RBFOX1: variants seen among roughly 807,000 people sequenced by gnomAD.
RBFOX1 encodes RNA binding fox-1 homolog 1.
A neutral mutation model predicts 57.7 loss-of-function variants in RBFOX1; 8 were observed. The observed-to-expected ratio is 0.14, with a 90% CI of 0.08 to 0.25. The LOEUF is 0.25. RBFOX1 is among the 10% of genes least tolerant of loss of function. The pLI is 1.00. For missense variants in RBFOX1, 611 were observed against 548.5 expected, an observed-to-expected ratio of 1.11 and a Z score of -1.14; for synonymous variants, 326 against 222.4, an observed-to-expected ratio of 1.47 and a Z score of -4.15.
In RBFOX1 at chr16:5,431,304, C is replaced by T. The variant is rs1318892277; in HGVS notation, c.220-35912C>T. 5.3e-5 allele frequency among the ~76,000 whole-genome samples: 8 copies of T among 152,304 alleles called. No homozygotes were observed. The South Asian group carries it at 6.2e-4, about 12-fold the overall frequency. ...TGAAAAATCCAGTGTCTATTTCAAC[C>T]GTGCAGAAATACTTGGTAAAATTTT... On this transcript the variant is annotated intron_variant, in intron 1 of 2. Transcript: ENST00000585867.
intron 2 of RBFOX1, among the ~76,000 whole-genome samples, chr16:6,522,010 G>C (rs1422025737): frequency 6.6e-6 from 1 of 152,116 alleles, no homozygotes; most frequent in African/African-American, 2.4e-5. Flanking sequence ...CTTCTACAAA[G>C]CCAAATATTT....
chr16:6,802,315 G>T (rs1168704024), intron 3 of RBFOX1, among the ~76,000 whole-genome samples: 5 of 152,102 alleles, frequency 3.3e-5, no homozygotes, highest in African/African-American at 9.7e-5. Context: ...GGGTCCTGTT[G>T]TGCTTCTCTG....
Position 5,738,570 on chromosome 16 carries a change from G to A in RBFOX1, c.319-128733G>A, listed in dbSNP as rs983979132. 1.4e-5 allele frequency among the ~76,000 whole-genome samples: 2 copies of A among 148,034 alleles called. 1 individual carries two copies. Among genetic ancestry groups the A allele is most frequent in the South Asian group, 4.4e-4 (2 of 4,578 alleles). On this transcript the variant is annotated intron_variant, in intron 3 of 19. Coordinates refer to the RBFOX1 transcript ENST00000641259. ...AATCGCTTGAATCTGGGAGGTGAAG[G>A]TTGCCATGTGCCGAGATTGCACAAC...
intron 4 of RBFOX1, among the ~76,000 whole-genome samples, chr16:5,869,799 T>G (rs1196012689): frequency 6.6e-6 from 1 of 152,152 alleles, no homozygotes; most frequent in Non-Finnish European, 1.5e-5. Context: ...TGTTTAAAAA[T>G]CCAACAATTC....
intron 4 of RBFOX1, among the ~76,000 whole-genome samples, chr16:7,195,301 A>T (rs1476046207): frequency 6.6e-6 from 1 of 152,186 alleles, no homozygotes; most frequent in African/African-American, 2.4e-5. Context: ...TTGCAAAATA[A>T]GGCTTCTTGT....
At chr16:7,216,042 G>C (rs925180485) in intron 4 of RBFOX1, among the ~76,000 whole-genome samples, 1 of 152,062 alleles carries the variant, frequency 6.6e-6, no homozygotes, top group East Asian at 1.9e-4. Flanking sequence ...TATATCACTG[G>C]AATCATACAG....
At chr16:7,531,664 A>G (rs1226189100) in intron 5 of RBFOX1, among the ~76,000 whole-genome samples, 1 of 152,204 alleles carries the variant, frequency 6.6e-6, no homozygotes, top group African/African-American at 2.4e-5. Flanking sequence ...ATTACGGATG[A>G]GGGAACTGAG....
At chr16:7,280,312 A>G (rs1740346055) in intron 4 of RBFOX1, among the ~76,000 whole-genome samples, 1 of 152,206 alleles carries the variant, frequency 6.6e-6, no homozygotes, top group African/African-American at 2.4e-5. Context: ...GCCTTCCAGA[A>G]TAGAGTCCTT....
intron 1 of RBFOX1, among the ~76,000 whole-genome samples, chr16:5,463,094 C>T (rs2068842107): frequency 6.6e-6 from 1 of 152,146 alleles, no homozygotes; most frequent in Non-Finnish European, 1.5e-5. Context: ...TATATTTTTG[C>T]ATTTTTAGGA....
chr16:7,573,902 G>A (rs1031706057), intron 5 of RBFOX1, among the ~76,000 whole-genome samples: 1 of 151,950 alleles, frequency 6.6e-6, no homozygotes, highest in Non-Finnish European at 1.5e-5. Context: ...GCTTTGATGT[G>A]CTACAGCTTT....
intron 1 of RBFOX1, among the ~76,000 whole-genome samples, chr16:6,197,149 G>A (rs2097184873): frequency 6.6e-6 from 1 of 152,144 alleles, no homozygotes; most frequent in Admixed American, 6.6e-5. Context: ...ATGCATGCAT[G>A]TCACCAGAGG....
chr16:5,953,662 G>C (rs1054598752), intron 4 of RBFOX1, among the ~76,000 whole-genome samples: 32 of 151,258 alleles, frequency 2.1e-4, no homozygotes, highest in Admixed American at 3.3e-4. Flanking sequence ...TGCTGCGAAT[G>C]CCATTCATTC....
intron 2 of RBFOX1, among the ~76,000 whole-genome samples, chr16:6,421,921 C>CT (rs35479646): frequency 0.022 from 2,240 of 99,828 alleles, 64 homozygotes; most frequent in Non-Finnish European, 0.027. Flanking sequence ...GGGACCAGAC[C>CT]TTTTTTTTTT....
chr16:6,263,069 A>G (rs2097710786), intron 1 of RBFOX1, among the ~76,000 whole-genome samples: 1 of 152,166 alleles, frequency 6.6e-6, no homozygotes, highest in Non-Finnish European at 1.5e-5. Flanking sequence ...TAATGTGCCC[A>G]AGACTGAAAT....
intron 3 of RBFOX1, among the ~76,000 whole-genome samples, chr16:6,947,870 G>C (rs2079876107): frequency 6.6e-6 from 1 of 152,134 alleles, no homozygotes; most frequent in Non-Finnish European, 1.5e-5. Context: ...TCCACCTCAT[G>C]GGTTCAAGCG....
rs545010860 is a variant in RBFOX1 at position 6,682,305 on chromosome 16, G to A, written c.-16+27655G>A. The stretch of plus-strand genomic sequence containing the variant: ...CTCTGGAGGGATTGAGCTCTCAGGC[G>A]TCGATTTCCCAGCTGACCACTAGAG... On this transcript the variant is annotated intron_variant, in intron 3 of 15. Coordinates refer to ENST00000550418, the MANE Select transcript of RBFOX1 (RefSeq NM_018723.4). Among the ~76,000 whole-genome samples the A allele has an allele frequency of 1.1e-4, 16 of 152,240 alleles. No individual in the cohort carries two copies. The East Asian group carries it at 1.5e-3, about 15-fold the overall frequency.
intron 4 of RBFOX1, among the ~76,000 whole-genome samples, chr16:7,339,859 T>G (rs975390703): frequency 1.3e-5 from 2 of 152,252 alleles, no homozygotes; most frequent in African/African-American, 4.8e-5. Flanking sequence ...TCAGGAATTT[T>G]GACAAGCCAA....
intron 1 of RBFOX1, among the ~76,000 whole-genome samples, chr16:5,275,899 T>C (rs901045233): frequency 1.3e-5 from 2 of 152,172 alleles, no homozygotes; most frequent in African/African-American, 4.8e-5. Context: ...AATAGCCAAC[T>C]GATCTTAGAC....
At chr16:6,069,544 G>C (rs914406790) in intron 1 of RBFOX1, among the ~76,000 whole-genome samples, 1 of 151,620 alleles carries the variant, frequency 6.6e-6, no homozygotes, top group African/African-American at 2.4e-5. Flanking sequence ...ATTAATTTTG[G>C]CATTCTTTAT....
Sources: gnomAD v4.1 joint callset for allele counts (sites outside exome capture counted in the v4.1 genomes callset) on GRCh38, gnomAD v4.1.1 for gene constraint, MANE v1.5 for transcripts, NCBI Gene and HGNC (gene_info 2026-07-23, HGNC 2026-07-21) for gene names.